Variants in CLGN observed in about 807,000 individuals in gnomAD.
CLGN encodes the protein calmegin, also known as testis tissue sperm-binding protein Li 79P.
CLGN carries 62 observed loss-of-function variants against 79.1 expected under a neutral mutation model. That is an observed-to-expected ratio of 0.78 (90% CI 0.64 to 0.97). CLGN has a LOEUF of 0.97. Ranked by LOEUF, CLGN falls within the 50% of genes least tolerant of loss-of-function variation. The pLI is 0.00. For missense variants in CLGN, 647 were observed against 715.5 expected, an observed-to-expected ratio of 0.90 and a Z score of 1.09; for synonymous variants, 225 against 224.7, an observed-to-expected ratio of 1.00 and a Z score of -0.01.
At chr4:140,409,944 C>T (rs777481823) in intron 3 of CLGN, 49 bp from the exon 4 acceptor site, 1 of 1,279,902 alleles carries the variant, frequency 7.8e-7, no homozygotes, top group Non-Finnish European at 1.1e-6. Context: ...ATAAAAGCAG[C>T]AATTTATAGA....
At chr4:140,423,294 G>C (rs1560750024) in intron 1 of CLGN, among the ~76,000 whole-genome samples, 1 of 152,112 alleles carries the variant, frequency 6.6e-6, no homozygotes, top group Non-Finnish European at 1.5e-5. Context: ...GAATAAAGAT[G>C]ATCATGTGTT....
At chr4:140,401,293 G>C (rs1728994005) in intron 6 of CLGN, among the ~76,000 whole-genome samples, 1 of 152,098 alleles carries the variant, frequency 6.6e-6, no homozygotes, top group Admixed American at 6.6e-5. Context: ...TCTAAAACAA[G>C]AGCTTCAACA....
chr4:140,426,880 C>G (rs970849600), intron 1 of CLGN: 58 of 152,412 alleles, frequency 3.8e-4, no homozygotes, highest in African/African-American at 1.3e-3. Flanking sequence ...GGATTCAACC[C>G]AGCCCTTTCG....
In CLGN at chr4:140,410,539, G is replaced by A; in HGVS notation, c.218+14C>T. On this transcript the variant is annotated intron_variant, in intron 3 of 14. Coordinates refer to ENST00000325617, the MANE Select transcript of CLGN (RefSeq NM_004362.3). ...AATAAATCAAAGAAAACATTCTCTT[G>A]AATGAATACTCACCCAGCCAACCTT... 2 of 1,559,120 alleles carry A rather than the reference G, an allele frequency of 1.3e-6. No individual in the cohort carries two copies. The highest frequency in any genetic ancestry group is 1.8e-6 in the Non-Finnish European group (2 of 1,131,182).
Position 140,395,846 on chromosome 4 carries a change from A to G in CLGN, c.1122T>C (p.Pro374=). The change falls in exon 10 of 15, where the codon CCT becomes CCC. Residue 374 remains proline (P), a synonymous_variant. Transcript: ENST00000325617. ...DNPKYKGVWR[P]PLVDNPNYQG... is the part of the protein sequence containing the mutation. ...GATAGTTAGGATTATCGACCAGTGG[A>G]GGTCTCCATACTCCTTTGTATTTTG... is the stretch of plus-strand genomic sequence containing the variant. 6.5e-7 allele frequency: 1 copy of G among 1,541,482 alleles called. No individual in the cohort carries two copies. Among genetic ancestry groups the G allele is most frequent in the Non-Finnish European group, 8.7e-7 (1 of 1,152,040 alleles).
intron 1 of CLGN, among the ~76,000 whole-genome samples, chr4:140,419,231 A>T (rs1729410029): frequency 6.6e-6 from 1 of 152,174 alleles, no homozygotes; most frequent in South Asian, 2.1e-4. Flanking sequence ...GAGGGATAGC[A>T]TTGGGAGTTA....
chr4:140,415,089 C>G (rs989212660), intron 1 of CLGN, among the ~76,000 whole-genome samples: 2 of 151,964 alleles, frequency 1.3e-5, no homozygotes, highest in African/African-American at 4.8e-5. Context: ...AATTTCATAT[C>G]CAGCCAAACT....
chr4:140,402,212 T>G (rs908746296), intron 5 of CLGN, 146 bp from the exon 6 acceptor site: 1 of 459,664 alleles, frequency 2.2e-6, no homozygotes, highest in Non-Finnish European at 3.9e-6. Flanking sequence ...CTACAACCTA[T>G]AGGAAATAAG....
In CLGN at chr4:140,392,240, C is replaced by T. The variant is rs1249472391; in HGVS notation, c.1630G>A (p.Asp544Asn). Residue 544 changes from aspartate to asparagine, a missense_variant, in exon 13 of 15, where the codon GAT (aspartate) becomes AAT (asparagine). Asp to Asn is a conservative substitution (Grantham distance 23). Transcript: ENST00000325617. ...TTACCTTTTTCAAGCATTTCACCAT[C>T]ATTTTGCTTTTTTTCCTCTTCCAGG... is the stretch of plus-strand genomic sequence containing the variant. ...MDLEEEKKQN[D>N]GEMLEKEEES... The T allele has an allele frequency of 6.2e-7, 1 of 1,612,570 alleles. No homozygotes were observed.
chr4:140,399,586 C>T lies in CLGN; in HGVS notation c.695-546G>A, dbSNP rs565754946. Reference sequence around the variant, plus strand: ...CGAGCAGACAAAATGAATGTTTCTACCACTGCAGCATTTGGGGAAAAAGAT... The same window carrying T: ...CGAGCAGACAAAATGAATGTTTCTATCACTGCAGCATTTGGGGAAAAAGAT... On this transcript the variant is annotated intron_variant, in intron 7 of 14. Transcript: ENST00000325617. Among the ~76,000 whole-genome samples, 20 of 152,274 alleles carry T rather than the reference C, an allele frequency of 1.3e-4. No individual in the cohort carries two copies. The South Asian group carries it at 4.1e-3, about 32-fold the overall frequency.
At chr4:140,420,025 A>G (rs1027054944) in intron 1 of CLGN, among the ~76,000 whole-genome samples, 2 of 152,166 alleles carry the variant, frequency 1.3e-5, no homozygotes, top group Admixed American at 1.3e-4. Context: ...AAATAAAAAC[A>G]CATAAAATAA....
At chr4:140,425,094 G>A (rs1729536114) in intron 1 of CLGN, among the ~76,000 whole-genome samples, 1 of 152,106 alleles carries the variant, frequency 6.6e-6, no homozygotes, top group Admixed American at 6.5e-5. Context: ...ACAATCACAG[G>A]ATATGCAATA....
intron 1 of CLGN, among the ~76,000 whole-genome samples, chr4:140,424,324 T>A (rs1429110428): frequency 6.6e-6 from 1 of 152,324 alleles, no homozygotes; most frequent in African/African-American, 2.4e-5. Flanking sequence ...TTTCTTGTTT[T>A]CCTTCTACTA....
intron 5 of CLGN, among the ~76,000 whole-genome samples, chr4:140,402,291 T>C (rs1203302423): frequency 6.6e-6 from 1 of 151,932 alleles, no homozygotes; most frequent in African/African-American, 2.4e-5. Context: ...ATGATTACAA[T>C]CAACTGCAGA....
In CLGN at chr4:140,404,230, G is replaced by A. The variant is rs867295303; in HGVS notation, c.419+1712C>T. 1.1e-4 allele frequency among the ~76,000 whole-genome samples: 16 copies of A among 151,512 alleles called. 1 individual carries two copies. In the South Asian group the frequency reaches 1.9e-3, roughly 18 times the overall value. On this transcript the variant is annotated intron_variant, in intron 5 of 14. Coordinates refer to ENST00000325617, the MANE Select transcript of CLGN (RefSeq NM_004362.3). ...TGCCTCAGCCTCCCGAGTAGCTGGG[G>A]CTACAGGCGCCTGCCACCACACCCG...
intron 11 of CLGN, among the ~76,000 whole-genome samples, chr4:140,393,237 C>T (rs777600953): frequency 6.6e-6 from 1 of 151,930 alleles, no homozygotes; most frequent in African/African-American, 2.4e-5. Flanking sequence ...AAACAAGAAT[C>T]CCTCTTCACC....
At position 140,396,104 on chromosome 4, in the gene CLGN, T is replaced by C. The variant is rs1381783280; in HGVS notation, c.986A>G (p.Lys329Arg). The C allele has an allele frequency of 5.6e-6, 9 of 1,614,126 alleles. No homozygotes were observed. Among genetic ancestry groups the C allele is most frequent in the Non-Finnish European group, 7.6e-6 (9 of 1,179,976 alleles). Residue 329 changes from lysine (K) to arginine (R), a missense_variant, in exon 9 of 15, where the codon AAA becomes AGA. Transcript: ENST00000325617. The part of the protein sequence containing the change: ...PKFIPDPNAE[K>R]PDDWNEDTDG... The stretch of plus-strand genomic sequence containing the variant: ...GAAGAGTGCTTACCAGTCATCAGGT[T>C]TTTCAGCATTAGGATCAGGGATAAA...
chr4:140,392,484 G>T, intron 12 of CLGN, 102 bp downstream of exon 12: 1 of 1,480,574 alleles, frequency 6.8e-7, no homozygotes, highest in Admixed American at 2.3e-5. Flanking sequence ...TAAAACTTAT[G>T]AGACATTTAG....
In CLGN at chr4:140,388,843, A is replaced by C. The variant is rs1423993553; in HGVS notation, c.*381T>G. On this transcript the variant is annotated 3_prime_UTR_variant, in exon 15 of 15. Coordinates refer to ENST00000325617, the MANE Select transcript of CLGN (RefSeq NM_004362.3). Reference sequence around the variant, plus strand: ...ATATGCTCATTTTTATTATAGAACTACCAGTTATATTGTTGTATAGCCATT... The same window carrying C: ...ATATGCTCATTTTTATTATAGAACTCCCAGTTATATTGTTGTATAGCCATT... 1 of 167,868 alleles carries C rather than the reference A, an allele frequency of 6.0e-6. No homozygotes were observed. Among genetic ancestry groups the C allele is most frequent in the Non-Finnish European group, 1.3e-5 (1 of 77,554 alleles). 10.4% of individuals were successfully genotyped at this position (167,868 alleles called of 1,614,324 possible).
Sources: allele counts gnomAD v4.1 joint callset (sites outside exome capture counted in the v4.1 genomes callset), GRCh38; gene constraint gnomAD v4.1.1; transcripts MANE v1.5; gene names NCBI Gene and HGNC (gene_info 2026-07-23, HGNC 2026-07-21).